The following FHIT variants were observed in gnomAD, a reference collection of about 807,000 sequenced individuals.
FHIT encodes the protein bis(5'-adenosyl)-triphosphatase.
FHIT carries 19 observed loss-of-function variants against 17.9 expected under a neutral mutation model. The ratio of observed to expected loss-of-function variants is 1.06; its 90% confidence interval spans 0.74 to 1.56. FHIT has a LOEUF of 1.56. Among genes scored for constraint, FHIT ranks in the 40% most tolerant of loss-of-function variants. The pLI is 0.00. For missense variants in FHIT, 248 were observed against 189.2 expected (o/e 1.31, Z -1.82); for synonymous variants, 81 against 69.7 (o/e 1.16, Z -0.81).
intron 4 of FHIT, among the ~76,000 whole-genome samples, chr3:60,655,356 T>C (rs1553689293): frequency 6.6e-6 from 1 of 152,164 alleles, no homozygotes; most frequent in Non-Finnish European, 1.5e-5. Flanking sequence ...AAAAAGCAAG[T>C]ACATTGTTAC....
intron 4 of FHIT, among the ~76,000 whole-genome samples, chr3:60,541,865 T>C (rs2036197444): frequency 6.6e-6 from 1 of 152,224 alleles, no homozygotes; most frequent in Non-Finnish European, 1.5e-5. Flanking sequence ...TGGAATAGAA[T>C]TGACTTAGCA....
chr3:59,950,516 C>A (rs1707062141), intron 7 of FHIT, among the ~76,000 whole-genome samples: 1 of 151,484 alleles, frequency 6.6e-6, no homozygotes, highest in South Asian at 2.1e-4. Context: ...TCTTTTAATA[C>A]AGTCAGAGTA....
chr3:60,700,879 A>G (rs1310671948), intron 4 of FHIT, among the ~76,000 whole-genome samples: 2 of 152,210 alleles, frequency 1.3e-5, no homozygotes, highest in Non-Finnish European at 2.9e-5. Flanking sequence ...TGAATTGCCA[A>G]TTAATATCCC....
chr3:60,777,733 G>A lies in FHIT; in HGVS notation c.-18+44186C>T, dbSNP rs180994161. ...ACATTTTGATTTTTTTCCTTGTTATGCCACAGTCAGATTGGAAAGTAAGTC... is the reference window on the plus strand; with the variant it reads ...ACATTTTGATTTTTTTCCTTGTTATACCACAGTCAGATTGGAAAGTAAGTC... On this transcript the variant is annotated intron_variant, in intron 4 of 9. Transcript: ENST00000492590. Among the ~76,000 whole-genome samples the A allele has an allele frequency of 2.1e-4, 32 of 152,250 alleles. No individual in the cohort carries two copies. The East Asian group carries it at 5.6e-3, about 27-fold the overall frequency.
intron 8 of FHIT, among the ~76,000 whole-genome samples, chr3:59,910,625 TGTAA>T (rs1704825565): frequency 1.3e-5 from 2 of 152,170 alleles, no homozygotes; most frequent in African/African-American, 4.8e-5. Flanking sequence ...TTTAGCAGGT[TGTAA>T]GTCTCATGTT....
chr3:60,339,572 C>A (rs949101452), intron 5 of FHIT, among the ~76,000 whole-genome samples: 1 of 152,188 alleles, frequency 6.6e-6, no homozygotes, highest in Admixed American at 6.5e-5. Context: ...AAGCTCCTTA[C>A]TTATTCTCAT....
rs115117331 is a variant in FHIT at position 60,999,393 on chromosome 3, T to C, written c.-111+42654A>G. ...ATTCCAAGCTACAGTTCTTAGCTTA[T>C]AGATTTCAAACACTGGAGAGAAATG... On this transcript the variant is annotated intron_variant, in intron 3 of 9. Transcript: ENST00000492590. Among the ~76,000 whole-genome samples, 783 of 151,784 alleles carry C rather than the reference T, an allele frequency of 5.2e-3. 3 individuals are homozygous for C. The highest frequency in any genetic ancestry group is 0.017 in the African/African-American group (721 of 41,336).
At position 60,389,277 on chromosome 3, in the gene FHIT, ATGCATGCTGAAGTGTGAGGCTTACTACCC is replaced by A. The variant is rs550500962; in HGVS notation, c.103+147554_103+147582del. On this transcript the variant is annotated intron_variant, in intron 5 of 9. Transcript: ENST00000492590. ...TTCATAAGCCCTCCAGGTAATTCTG[ATGCATGCTGAAGTGTGAGGCTTACTACCC>A]TGCATGATATTTATGGCAAGTTTTA... Among the ~76,000 whole-genome samples the A allele has an allele frequency of 3.4e-3, 522 of 152,278 alleles. 2 individuals are homozygous for A. The highest frequency in any genetic ancestry group is 0.012 in the African/African-American group (485 of 41,566).
intron 4 of FHIT, among the ~76,000 whole-genome samples, chr3:60,597,003 T>C (rs966694892): frequency 6.6e-6 from 1 of 152,154 alleles, no homozygotes; most frequent in Non-Finnish European, 1.5e-5. Context: ...TGGTATTCTG[T>C]TTTGTGCAGA....
At chr3:60,867,724 T>C (rs1704227389) in intron 3 of FHIT, among the ~76,000 whole-genome samples, 1 of 152,096 alleles carries the variant, frequency 6.6e-6, no homozygotes, top group Non-Finnish European at 1.5e-5. Flanking sequence ...CCAATCTTTC[T>C]CCCCCAAAAG....
intron 8 of FHIT, among the ~76,000 whole-genome samples, chr3:59,822,981 G>A (rs914749362): frequency 6.6e-6 from 1 of 152,154 alleles, no homozygotes; most frequent in African/African-American, 2.4e-5. Context: ...TTTGTATAAG[G>A]TGAGAGATGA....
At chr3:59,814,083 T>C (rs916448583) in intron 8 of FHIT, among the ~76,000 whole-genome samples, 8 of 124,598 alleles carry the variant, frequency 6.4e-5, no homozygotes, top group African/African-American at 2.7e-4. Flanking sequence ...CACCCGACGG[T>C]GAATTATTCA....
intron 3 of FHIT, among the ~76,000 whole-genome samples, chr3:60,984,913 T>C (rs908958585): frequency 6.6e-6 from 1 of 152,008 alleles, no homozygotes; most frequent in Non-Finnish European, 1.5e-5. Context: ...ATGATAAAAA[T>C]TTACGTATAG....
At chr3:60,449,429 C>CACAA (rs1358785555) in intron 5 of FHIT, among the ~76,000 whole-genome samples, 1 of 149,108 alleles carries the variant, frequency 6.7e-6, no homozygotes, top group Non-Finnish European at 1.5e-5. Context: ...TATGCGCATA[C>CACAA]ACACACACAC....
chr3:60,115,182 C>G (rs770818173), intron 5 of FHIT, among the ~76,000 whole-genome samples: 1 of 151,902 alleles, frequency 6.6e-6, no homozygotes, highest in African/African-American at 2.4e-5. Context: ...CATAACGCCC[C>G]AGAAAATTAA....
chr3:59,753,584 ATG>A (rs1701037942), intron 8 of FHIT, among the ~76,000 whole-genome samples: 1 of 152,202 alleles, frequency 6.6e-6, no homozygotes, highest in African/African-American at 2.4e-5. Flanking sequence ...CTTCATGGGA[ATG>A]CACAGTGTAG....
chr3:60,557,356 CA>C (rs1359401989), intron 4 of FHIT, among the ~76,000 whole-genome samples: 1 of 151,808 alleles, frequency 6.6e-6, no homozygotes, highest in Non-Finnish European at 1.5e-5. Context: ...ATGATCATTC[CA>C]AATGTCTACA....
rs544351584 is a variant in FHIT, at chr3:59,918,958, G to GA, written c.348+3387dup. ...AAAGCAGGAAGTAGGCTGGGAATGA[G>GA]AAAAAAATAAATACAGTGTGGTTTC... On this transcript the variant is annotated intron_variant, in intron 8 of 9. Coordinates refer to ENST00000492590, the MANE Select transcript of FHIT (RefSeq NM_002012.4). Among the ~76,000 whole-genome samples, 572 of 152,104 alleles carry GA rather than the reference G, an allele frequency of 3.8e-3. 2 individuals carry two copies. Among genetic ancestry groups the GA allele is most frequent in the Middle Eastern group, 0.017 (5 of 294 alleles).
chr3:61,239,733 A>C (rs1880217), intron 1 of FHIT, among the ~76,000 whole-genome samples: 3,830 of 143,550 alleles, frequency 0.027, 199 homozygotes, highest in African/African-American at 0.096. Flanking sequence ...TTACAAAGAG[A>C]AATAAAACTG....
Sources: allele counts gnomAD v4.1 joint callset (sites outside exome capture counted in the v4.1 genomes callset), GRCh38; gene constraint gnomAD v4.1.1; transcripts MANE v1.5; gene names NCBI Gene and HGNC (gene_info 2026-07-23, HGNC 2026-07-21).